Variants in TBL1XR1 observed in about 807,000 individuals in gnomAD.
The protein encoded by TBL1XR1 is TBL1X/Y related 1.
A neutral mutation model predicts 66.9 loss-of-function variants in TBL1XR1; 5 were observed. The observed-to-expected ratio is 0.07, with a 90% CI of 0.04 to 0.16. The LOEUF is 0.16. Among genes scored for constraint, TBL1XR1 ranks in the 10% least tolerant of loss-of-function variants. The probability of loss-of-function intolerance (pLI) is 1.00; values close to 1 mark genes in which losing one functional copy is unlikely to be tolerated. For missense variants in TBL1XR1, 238 were observed against 623.2 expected (o/e 0.38, Z 6.58); for synonymous variants, 210 against 206.0 (o/e 1.02, Z -0.17).
At chr3:177,026,940 A>G (rs1407543421) in intron 14 of TBL1XR1, 3 of 153,354 alleles carry the variant, frequency 2.0e-5, no homozygotes, top group South Asian at 4.1e-4. Context: ...TATTCACTCT[A>G]TATTTACTGA....
intron 1 of TBL1XR1, among the ~76,000 whole-genome samples, chr3:177,146,962 CAA>C (rs1276129231): frequency 6.6e-6 from 1 of 151,978 alleles, no homozygotes; most frequent in African/African-American, 2.4e-5. Flanking sequence ...CATTTCATCA[CAA>C]AGACCATTAA....
upstream of TBL1XR1, among the ~76,000 whole-genome samples, chr3:177,198,627 T>C (rs570044459): frequency 1.3e-5 from 2 of 152,306 alleles, no homozygotes; most frequent in South Asian, 4.1e-4. Context: ...AGGGTGCTTT[T>C]TAGAGCTTTG....
intron 1 of TBL1XR1, among the ~76,000 whole-genome samples, chr3:177,147,515 G>A (rs996081479): frequency 7.2e-5 from 11 of 152,292 alleles, no homozygotes; most frequent in South Asian, 4.1e-4. Context: ...TATTAAATTA[G>A]TTTTACTCTG....
intron 1 of TBL1XR1, among the ~76,000 whole-genome samples, chr3:177,140,572 A>C (rs1348050946): frequency 6.6e-6 from 1 of 152,220 alleles, no homozygotes; most frequent in Non-Finnish European, 1.5e-5. Flanking sequence ...GAAAAGGTAA[A>C]GTGGCAAAAC....
chr3:177,185,682 A>C (rs546848184), intron 1 of TBL1XR1, among the ~76,000 whole-genome samples: 4 of 151,914 alleles, frequency 2.6e-5, no homozygotes, highest in Admixed American at 2.6e-4. Flanking sequence ...CCTTATTAAC[A>C]AAAAAATCAA....
At chr3:177,148,101 T>A (rs1019987912) in intron 1 of TBL1XR1, among the ~76,000 whole-genome samples, 1 of 152,240 alleles carries the variant, frequency 6.6e-6, no homozygotes, top group African/African-American at 2.4e-5. Context: ...TTATAATTTT[T>A]TTGTTCTGAA....
Position 177,100,982 on chromosome 3 carries a change from A to C in TBL1XR1, c.-121-2441T>G, listed in dbSNP as rs1336230360. 3.2e-4 allele frequency among the ~76,000 whole-genome samples: 49 copies of C among 151,710 alleles called. 1 individual carries two copies. Among genetic ancestry groups the C allele is most frequent in the Admixed American group, 3.2e-3 (49 of 15,238 alleles). The stretch of plus-strand genomic sequence containing the variant: ...GTGATTCTCCTGCCTCAGCCTCCCG[A>C]GTAACTGGGACTACCGGCACGCGCC... On this transcript the variant is annotated intron_variant, in intron 1 of 15. Transcript: ENST00000457928.
chr3:177,188,667 A>C (rs1254293689), intron 1 of TBL1XR1, among the ~76,000 whole-genome samples: 2 of 152,152 alleles, frequency 1.3e-5, no homozygotes. Flanking sequence ...ATAGGTGGCA[A>C]ACTTCACAGT....
intron 1 of TBL1XR1, among the ~76,000 whole-genome samples, chr3:177,147,046 A>C (rs563987252): frequency 2.3e-4 from 35 of 149,260 alleles, no homozygotes; most frequent in Middle Eastern, 7.1e-3. Flanking sequence ...GATTCCTAAG[A>C]CTTTTTTTTT....
intron 1 of TBL1XR1, among the ~76,000 whole-genome samples, chr3:177,157,246 C>A (rs1027756881): frequency 3.3e-5 from 5 of 152,120 alleles, no homozygotes; most frequent in Admixed American, 3.3e-4. Context: ...TCTCCGGAGG[C>A]TCCTAAAGCA....
At chr3:177,149,669 G>C (rs531862970) in intron 1 of TBL1XR1, among the ~76,000 whole-genome samples, 21 of 152,168 alleles carry the variant, frequency 1.4e-4, no homozygotes, top group African/African-American at 4.8e-4. Flanking sequence ...ACCTGCTTTC[G>C]TATGGCCCAT....
intron 2 of TBL1XR1, among the ~76,000 whole-genome samples, chr3:177,080,572 C>G (rs1355467705): frequency 6.6e-6 from 1 of 152,064 alleles, no homozygotes; most frequent in Non-Finnish European, 1.5e-5. Context: ...CTGGTTCTCT[C>G]AAAATAGAAA....
intron 1 of TBL1XR1, among the ~76,000 whole-genome samples, chr3:177,183,819 C>T (rs1340117418): frequency 2.0e-5 from 3 of 149,950 alleles, no homozygotes; most frequent in African/African-American, 2.4e-5. Flanking sequence ...AACATCTAAT[C>T]GGCCGGGCAT....
rs1453026433 is a variant in TBL1XR1, at chr3:177,039,798, T to C, written c.926-1364A>G. Among the ~76,000 whole-genome samples the C allele has an allele frequency of 2.0e-5, 3 of 152,110 alleles. No homozygotes were observed. In the East Asian group the frequency reaches 5.8e-4, roughly 29 times the overall value. ...GGGAGGAGGGGATCAAAGGAAGACA[T>C]ACAAATGTGGAAAAATGAGATTTAA... On this transcript the variant is annotated intron_variant, in intron 10 of 15. Transcript: ENST00000457928.
At chr3:177,189,095 C>A (rs1735795567) in intron 1 of TBL1XR1, among the ~76,000 whole-genome samples, 1 of 151,830 alleles carries the variant, frequency 6.6e-6, no homozygotes, top group Non-Finnish European at 1.5e-5. Flanking sequence ...GTAGTCCCAG[C>A]TACTCAGGAG....
At chr3:177,081,261 C>A (rs1330719753) in intron 2 of TBL1XR1, among the ~76,000 whole-genome samples, 1 of 152,154 alleles carries the variant, frequency 6.6e-6, no homozygotes, top group Non-Finnish European at 1.5e-5. Flanking sequence ...TGATAGAAAT[C>A]TTTGAAACAA....
At chr3:177,078,178 T>C (rs1389784185) in intron 2 of TBL1XR1, among the ~76,000 whole-genome samples, 1 of 152,230 alleles carries the variant, frequency 6.6e-6, no homozygotes, top group Non-Finnish European at 1.5e-5. Context: ...TGAATAAATC[T>C]TTTGCCTGTT....
chr3:177,200,863 C>G (rs1196476918), upstream of TBL1XR1, among the ~76,000 whole-genome samples: 1 of 151,034 alleles, frequency 6.6e-6, no homozygotes, highest in African/African-American at 2.4e-5. Context: ...AAATATTAGT[C>G]GGGCGTGGTG....
intron 12 of TBL1XR1, 184 bp downstream of exon 12, chr3:177,037,914 T>G (rs1715044384): frequency 1.8e-6 from 1 of 564,506 alleles, no homozygotes; most frequent in Non-Finnish European, 3.2e-6. Flanking sequence ...TTCAAATAGT[T>G]TTATGTATTT....
Sources: allele counts gnomAD v4.1 joint callset (sites outside exome capture counted in the v4.1 genomes callset), GRCh38; gene constraint gnomAD v4.1.1; transcripts MANE v1.5; gene names NCBI Gene and HGNC (gene_info 2026-07-23, HGNC 2026-07-21).